UACA: variants seen among roughly 807,000 people sequenced by gnomAD.
UACA encodes nuclear membrane binding protein.
Under a neutral mutation model 160.5 loss-of-function variants are expected in UACA, and 112 were observed. The observed-to-expected ratio is 0.70, with a 90% CI of 0.60 to 0.82. UACA has a LOEUF of 0.82. Ranked by LOEUF, UACA falls within the 40% of genes least tolerant of loss-of-function variation. The probability of loss-of-function intolerance (pLI) is 0.00; values close to 1 mark genes in which losing one functional copy is unlikely to be tolerated. For missense variants in UACA, 1,574 were observed against 1,614.6 expected (o/e 0.97, Z 0.43); for synonymous variants, 557 against 568.4 (o/e 0.98, Z 0.29).
At chr15:70,672,756 C>G (rs1332356663) in intron 13 of UACA, among the ~76,000 whole-genome samples, 1 of 152,062 alleles carries the variant, frequency 6.6e-6, no homozygotes, top group African/African-American at 2.4e-5. Context: ...CCCAGGAGTT[C>G]AAGACCAGCC....
chr15:70,670,018 C>G (rs764258447), intron 15 of UACA, among the ~76,000 whole-genome samples: 1 of 152,096 alleles, frequency 6.6e-6, no homozygotes, highest in African/African-American at 2.4e-5. Flanking sequence ...AAAAATACCA[C>G]GAAAAGAAAC....
In UACA at chr15:70,657,111, T is replaced by C; in HGVS notation, c.4196A>G (p.Asp1399Gly). 1.2e-6 allele frequency: 2 copies of C among 1,614,110 alleles called. No individual in the cohort carries two copies. The highest frequency in any genetic ancestry group is 1.7e-6 in the Non-Finnish European group (2 of 1,179,980). Residue 1399 changes from aspartate (D) to glycine (G), a missense_variant, in exon 19 of 19, where the codon GAT becomes GGT. Asp to Gly is a moderately conservative substitution (Grantham distance 94). Coordinates refer to ENST00000322954, the MANE Select transcript of UACA (RefSeq NM_018003.4). ...LSAAQGHMDE[D>G]VQEALLQIIQ... is the part of the protein sequence containing the mutation. ...GATCTGGAGCAGAGCCTCCTGAACATCTTCATCCATGTGACCCTTCGGAGA... is the reference window on the plus strand; with the variant it reads ...GATCTGGAGCAGAGCCTCCTGAACACCTTCATCCATGTGACCCTTCGGAGA...
chr15:70,696,600 T>C (rs575988626), intron 2 of UACA, among the ~76,000 whole-genome samples: 2 of 152,318 alleles, frequency 1.3e-5, no homozygotes, highest in East Asian at 3.9e-4. Context: ...AAGCTGTTTC[T>C]GGTAAAAGGA....
At position 70,668,956 on chromosome 15, in the gene UACA, C is replaced by CT. The variant is rs1241524280; in HGVS notation, c.1727dup (p.Phe577ValfsTer2). The CT allele has an allele frequency of 6.2e-7, 1 of 1,613,776 alleles. No homozygotes were observed. The highest frequency in any genetic ancestry group is 1.3e-5 in the African/African-American group (1 of 74,872). On this transcript the variant is annotated frameshift_variant, in exon 16 of 19. Transcript: ENST00000322954. LOFTEE classifies it high-confidence loss of function. ...TCAGCTTGCCTTCATCCCTCTTAAACTCTTCTACTATCATCTCATTTTGTT... is the reference window on the plus strand; with the variant it reads ...TCAGCTTGCCTTCATCCCTCTTAAACTTCTTCTACTATCATCTCATTTTGTT...
intron 1 of UACA, among the ~76,000 whole-genome samples, chr15:70,729,484 T>C (rs918140758): frequency 6.6e-6 from 1 of 151,918 alleles, no homozygotes; most frequent in Admixed American, 6.6e-5. Context: ...AACTAAACAC[T>C]GAGTACACAT....
At chr15:70,777,763 C>T in the UACA span, among the ~76,000 whole-genome samples, 2,330 of 152,114 alleles carry the variant, frequency 0.015, 65 homozygotes, top group African/African-American at 0.054. Context: ...AAGAGGAAAT[C>T]GGAGGAAAAG....
Position 70,729,288 on chromosome 15 carries a change from G to A in UACA, c.79-29628C>T, listed in dbSNP as rs1400042650. ...TAGCAAAAACATGGAAGCAACTTAG[G>A]TCCCATCAAGAGTGGACTGGAAAAA... On this transcript the variant is annotated intron_variant, in intron 1 of 18. Coordinates refer to ENST00000322954, the MANE Select transcript of UACA (RefSeq NM_018003.4). Among the ~76,000 whole-genome samples, 39 of 152,194 alleles carry A rather than the reference G, an allele frequency of 2.6e-4. 1 individual carries two copies. Among genetic ancestry groups the A allele is most frequent in the Non-Finnish European group, 4.4e-5 (3 of 68,002 alleles).
In UACA at chr15:70,687,634, G is replaced by C; in HGVS notation, c.508C>G (p.Pro170Ala). Residue 170 changes from proline to alanine, a missense_variant, in exon 7 of 19, where the codon CCA becomes GCA. Pro to Ala is a conservative substitution (Grantham distance 27). Coordinates refer to ENST00000322954, the MANE Select transcript of UACA (RefSeq NM_018003.4). Reference sequence around the variant, plus strand: ...CTCATCTGAGTAGCCAGAACAAGTGGTGTCCGCCCGTCCTAAGCAACAGGA... The same window carrying C: ...CTCATCTGAGTAGCCAGAACAAGTGCTGTCCGCCCGTCCTAAGCAACAGGA... ...VNAKDVDGRT[P>A]LVLATQMSRP... is the part of the protein sequence containing the mutation. 1.2e-6 allele frequency: 2 copies of C among 1,613,900 alleles called. No individual in the cohort carries two copies. Among genetic ancestry groups the C allele is most frequent in the Non-Finnish European group, 1.7e-6 (2 of 1,179,848 alleles).
At chr15:70,683,409 AT>A (rs1208197186) in intron 8 of UACA, among the ~76,000 whole-genome samples, 1 of 152,064 alleles carries the variant, frequency 6.6e-6, no homozygotes, top group African/African-American at 2.4e-5. Context: ...TTCGAAGGCA[AT>A]TTGCCAACAT....
chr15:70,693,963 A>G (rs187628076), intron 3 of UACA, among the ~76,000 whole-genome samples: 8 of 152,290 alleles, frequency 5.3e-5, no homozygotes, highest in African/African-American at 1.4e-4. Flanking sequence ...ATTCTTAAGT[A>G]AAGATTTACC....
At chr15:70,663,157 C>A (rs370668059) in intron 17 of UACA, among the ~76,000 whole-genome samples, 4 of 152,044 alleles carry the variant, frequency 2.6e-5, no homozygotes, top group Admixed American at 6.6e-5. Context: ...AACTCAAACA[C>A]ATTTACAAGA....
intron 5 of UACA, 80 bp downstream of exon 5, chr15:70,690,374 T>C (rs1344285617): frequency 8.3e-7 from 1 of 1,209,052 alleles, no homozygotes; most frequent in Non-Finnish European, 1.2e-6. Context: ...TATAAATATC[T>C]ATGTGTTAAA....
In UACA at chr15:70,667,695, T is replaced by G. The variant is rs1314224198; in HGVS notation, c.2989A>C (p.Lys997Gln). The change falls in exon 16 of 19, where the codon AAA (lysine) becomes CAA (glutamine). Residue 997 changes from lysine (K) to glutamine (Q), a missense_variant. Physicochemically the swap from Lys to Gln is moderately conservative, Grantham distance 53. Coordinates refer to ENST00000322954, the MANE Select transcript of UACA (RefSeq NM_018003.4). ...AGTTCTTTCTCTGTTGCTTTAAATTTTCTCTCGCACTCCTCAAAGCTGACA... is the reference window on the plus strand; with the variant it reads ...AGTTCTTTCTCTGTTGCTTTAAATTGTCTCTCGCACTCCTCAAAGCTGACA... ...PIVSFEECER[K>Q]FKATEKELKD... 3.7e-6 allele frequency: 6 copies of G among 1,613,880 alleles called. No homozygotes were observed. The Admixed American group carries it at 8.3e-5, about 22-fold the overall frequency.
intron 1 of UACA, among the ~76,000 whole-genome samples, chr15:70,710,584 G>A (rs1037794227): frequency 1.3e-5 from 2 of 152,254 alleles, no homozygotes; most frequent in East Asian, 3.9e-4. Flanking sequence ...GCAAGCCCCA[G>A]CTTGTGACCT....
In UACA at chr15:70,763,558, C is replaced by G; in HGVS notation, c.-151G>C. On this transcript the variant is annotated 5_prime_UTR_variant, in exon 1 of 19. Coordinates refer to ENST00000322954, the MANE Select transcript of UACA (RefSeq NM_018003.4). ...GCGGGCCCCGGGCAGCAGACGTCGA[C>G]AGGCCTGAGGCGGGGCTCCCCTCCC... 1.6e-6 allele frequency: 2 copies of G among 1,240,070 alleles called. No individual in the cohort carries two copies. The highest frequency in any genetic ancestry group is 2.0e-6 in the Non-Finnish European group (2 of 989,462). 76.8% of individuals were successfully genotyped at this position (1,240,070 alleles called of 1,614,324 possible).
chr15:70,667,597 C>A lies in UACA; in HGVS notation c.3087G>T (p.Glu1029Asp). 6.2e-7 allele frequency: 1 copy of A among 1,612,968 alleles called. No homozygotes were observed. Among genetic ancestry groups the A allele is most frequent in the East Asian group, 2.2e-5 (1 of 44,870 alleles). Reference sequence around the variant, plus strand: ...AAATCTCCTTCTTTAACTTGTCATTCTCTTGCTTGTTTTTCTTGACTTCTT... The same window carrying A: ...AAATCTCCTTCTTTAACTTGTCATTATCTTGCTTGTTTTTCTTGACTTCTT... ...SEEEVKKNKQ[E>D]NDKLKKEIFT... Residue 1029 changes from glutamate (E) to aspartate (D), a missense_variant, in exon 16 of 19, where the codon GAG (glutamate) becomes GAT (aspartate). Transcript: ENST00000322954.
chr15:70,716,581 C>T (rs1078097), intron 1 of UACA, among the ~76,000 whole-genome samples: 20,631 of 152,102 alleles, frequency 0.14, 1,725 homozygotes, highest in African/African-American at 0.23. Context: ...TAGTCTAATT[C>T]AATTTTATAG....
chr15:70,692,839 G>A (rs1274099740), intron 3 of UACA, among the ~76,000 whole-genome samples: 1 of 152,144 alleles, frequency 6.6e-6, no homozygotes, highest in African/African-American at 2.4e-5. Flanking sequence ...AGTAATTTAT[G>A]TTTTATTCAT....
At chr15:70,771,722 T>G in the UACA span, among the ~76,000 whole-genome samples, 4 of 152,184 alleles carry the variant, frequency 2.6e-5, no homozygotes, top group African/African-American at 9.7e-5. Context: ...TTGAGGAAAG[T>G]CTTTCTGGAA....
Sources: allele counts gnomAD v4.1 joint callset (sites outside exome capture counted in the v4.1 genomes callset), GRCh38; gene constraint gnomAD v4.1.1; transcripts MANE v1.5; gene names NCBI Gene and HGNC (gene_info 2026-07-23, HGNC 2026-07-21).